Variants in DPP10 observed in about 807,000 individuals in gnomAD.
DPP10 encodes inactive dipeptidyl peptidase 10.
A neutral mutation model predicts 120.9 loss-of-function variants in DPP10; 33 were observed. The ratio of observed to expected loss-of-function variants is 0.27; its 90% CI spans 0.21 to 0.37. The LOEUF is 0.37. DPP10 is among the 10% of genes least tolerant of loss of function. The pLI is 1.00. For synonymous variants in DPP10, 337 were observed against 326.1 expected (o/e 1.03, Z -0.36); for missense variants, 816 against 942.8 (o/e 0.87, Z 1.76).
chr2:115,054,353 T>A (rs1025378127), intron 1 of DPP10, among the ~76,000 whole-genome samples: 2 of 152,172 alleles, frequency 1.3e-5, no homozygotes, highest in Admixed American at 6.5e-5. Flanking sequence ...ATTTATCTCT[T>A]CCTAACAGCA....
intron 1 of DPP10, among the ~76,000 whole-genome samples, chr2:115,238,312 G>A (rs1339764788): frequency 6.6e-6 from 1 of 152,086 alleles, no homozygotes; most frequent in Non-Finnish European, 1.5e-5. Flanking sequence ...TTAAGCCCAC[G>A]ATTGAAACCT....
At chr2:115,337,738 A>T (rs1235110411) in intron 2 of DPP10, among the ~76,000 whole-genome samples, 1 of 150,024 alleles carries the variant, frequency 6.7e-6, no homozygotes, top group Non-Finnish European at 1.5e-5. Flanking sequence ...AAGCTTAATT[A>T]TTCATTATGT....
At chr2:114,847,538 G>C (rs930770056) in intron 1 of DPP10, among the ~76,000 whole-genome samples, 1 of 152,126 alleles carries the variant, frequency 6.6e-6, no homozygotes, top group Non-Finnish European at 1.5e-5. Context: ...TAACACATTA[G>C]AGGTAGTGAA....
chr2:115,063,003 A>G (rs373505220), intron 1 of DPP10, among the ~76,000 whole-genome samples: 1 of 152,198 alleles, frequency 6.6e-6, no homozygotes, highest in Non-Finnish European at 1.5e-5. Context: ...TTACATTCCC[A>G]CCAACACTGT....
chr2:115,590,264 C>CCCA (rs2082562039), intron 5 of DPP10, among the ~76,000 whole-genome samples: 1 of 151,544 alleles, frequency 6.6e-6, no homozygotes, highest in African/African-American at 2.4e-5. Flanking sequence ...GTGTGCCGCA[C>CCCA]CTGTTACCTC....
At chr2:115,246,464 T>C (rs946281922) in intron 1 of DPP10, among the ~76,000 whole-genome samples, 3 of 152,140 alleles carry the variant, frequency 2.0e-5, no homozygotes, top group Admixed American at 6.6e-5. Context: ...TTTTTTCAAG[T>C]AGAGGTCTTT....
intron 5 of DPP10, among the ~76,000 whole-genome samples, chr2:115,632,822 A>C (rs1331809740): frequency 1.3e-5 from 2 of 152,212 alleles, no homozygotes; most frequent in African/African-American, 4.8e-5. Flanking sequence ...CAAAAGACAC[A>C]TGAAAAAATG....
intron 5 of DPP10, among the ~76,000 whole-genome samples, chr2:115,547,711 A>G (rs80243687): frequency 0.011 from 1,712 of 151,068 alleles, 27 homozygotes; most frequent in African/African-American, 0.039. Context: ...GCTACAATAA[A>G]CTGTGATTAC....
intron 5 of DPP10, among the ~76,000 whole-genome samples, chr2:115,558,858 T>C (rs912432877): frequency 1.3e-5 from 2 of 152,176 alleles, no homozygotes; most frequent in African/African-American, 4.8e-5. Context: ...TCAATTGGTA[T>C]CTCTCTGTTA....
chr2:114,640,669 T>C (rs1366268523), intron 1 of DPP10, among the ~76,000 whole-genome samples: 2 of 151,832 alleles, frequency 1.3e-5, no homozygotes, highest in East Asian at 3.9e-4. Flanking sequence ...ATCATGGATG[T>C]TGATGGTAGC....
chr2:114,833,898 T>A (rs1349875677), intron 1 of DPP10: 2 of 152,100 alleles, frequency 1.3e-5, no homozygotes, highest in African/African-American at 4.8e-5. Context: ...AGAATTTGGA[T>A]GACACATGGT....
chr2:115,554,359 T>C (rs1321357498), intron 5 of DPP10, among the ~76,000 whole-genome samples: 2 of 151,890 alleles, frequency 1.3e-5, no homozygotes, highest in African/African-American at 4.8e-5. Flanking sequence ...CACCAAGACA[T>C]CCATTTATCA....
rs946833633 is a variant in DPP10, at chr2:115,635,077, A to G, written c.442-54610A>G. On this transcript the variant is annotated intron_variant, in intron 5 of 25. Transcript: ENST00000410059. ...CATTTTCCCTGGCATTGCAGGGGAA[A>G]GATGGCAAACTGGAGCTGCAGTGAT... is the stretch of plus-strand genomic sequence containing the variant. Among the ~76,000 whole-genome samples the G allele has an allele frequency of 3.4e-4, 52 of 151,618 alleles. 2 individuals carry two copies. Among genetic ancestry groups the G allele is most frequent in the Admixed American group, 1.3e-4 (2 of 15,242 alleles).
At chr2:115,305,147 AC>A (rs35187974) in intron 1 of DPP10, among the ~76,000 whole-genome samples, 1,553 of 151,926 alleles carry the variant, frequency 0.01, 24 homozygotes, top group African/African-American at 0.036. Flanking sequence ...AAGTTTCTAG[AC>A]CCCCTCCTTG....
In DPP10 at chr2:115,437,208, A is replaced by G. The variant is rs571536608; in HGVS notation, c.272-62302A>G. On this transcript the variant is annotated intron_variant, in intron 3 of 25. Coordinates refer to ENST00000410059, the MANE Select transcript of DPP10 (RefSeq NM_020868.6). Reference sequence around the variant, plus strand: ...GATAATAGGGTGAAGACATTCCCTAATACCAGCAAGGAGATTTCTACTGAA... The same window carrying G: ...GATAATAGGGTGAAGACATTCCCTAGTACCAGCAAGGAGATTTCTACTGAA... 2.6e-5 allele frequency among the ~76,000 whole-genome samples: 4 copies of G among 152,174 alleles called. No individual in the cohort carries two copies. The South Asian group carries it at 8.3e-4, about 31-fold the overall frequency.
chr2:115,154,288 C>T (rs1004496935), intron 1 of DPP10, among the ~76,000 whole-genome samples: 1 of 152,166 alleles, frequency 6.6e-6, no homozygotes. Flanking sequence ...TCCAAATTCT[C>T]CTGTGAGCTC....
chr2:115,344,411 G>T (rs2063609969), intron 3 of DPP10, among the ~76,000 whole-genome samples: 1 of 151,896 alleles, frequency 6.6e-6, no homozygotes, highest in Admixed American at 6.6e-5. Context: ...GTACATTTTG[G>T]GAGCTAGTAC....
intron 2 of DPP10, among the ~76,000 whole-genome samples, chr2:115,323,790 T>C (rs1456237888): frequency 6.6e-6 from 1 of 152,188 alleles, no homozygotes; most frequent in Non-Finnish European, 1.5e-5. Context: ...AAGGAATATT[T>C]TTATGAGTAG....
chr2:115,115,219 C>T (rs4277531), intron 1 of DPP10, among the ~76,000 whole-genome samples: 68,987 of 151,858 alleles, frequency 0.45, 15,919 homozygotes, highest in East Asian at 0.67. Context: ...TGTCCATACA[C>T]AGTGGAGCAT....
Sources: allele counts gnomAD v4.1 joint callset (sites outside exome capture counted in the v4.1 genomes callset), GRCh38; gene constraint gnomAD v4.1.1; transcripts MANE v1.5; gene names NCBI Gene and HGNC (gene_info 2026-07-23, HGNC 2026-07-21).